Variants in RHEB observed in about 807,000 individuals in gnomAD.
RHEB encodes Ras homolog, mTORC1 binding, also known as GTP-binding protein Rheb.
RHEB carries 2 observed loss-of-function variants against 28.8 expected under a neutral mutation model. The observed-to-expected ratio is 0.07, with a 90% CI of 0.03 to 0.22. The LOEUF (loss-of-function observed/expected upper bound fraction) is 0.22. Ranked by LOEUF, RHEB falls within the 10% of genes least tolerant of loss-of-function variation. RHEB has a pLI of 1.00. For synonymous variants in RHEB, 69 were observed against 77.3 expected, an observed-to-expected ratio of 0.89 and a Z score of 0.56; for missense variants, 76 against 219.9, an observed-to-expected ratio of 0.35 and a Z score of 4.14.
intron 3 of RHEB, among the ~76,000 whole-genome samples, chr7:151,482,579 T>C (rs1008814825): frequency 3.9e-5 from 6 of 152,214 alleles, no homozygotes; most frequent in Admixed American, 2.6e-4. Context: ...TCAATTTACA[T>C]TCTCATCACC....
chr7:151,489,709 T>C (rs547950389), intron 2 of RHEB, among the ~76,000 whole-genome samples: 1 of 152,368 alleles, frequency 6.6e-6, no homozygotes, highest in South Asian at 2.1e-4. Flanking sequence ...CAAGCATGGC[T>C]GTGTATCAAT....
At position 151,468,904 on chromosome 7, in the gene RHEB, C is replaced by T. The variant is rs909744959; in HGVS notation, c.462+1667G>A. Among the ~76,000 whole-genome samples the T allele has an allele frequency of 1.2e-4, 18 of 152,202 alleles. No individual in the cohort carries two copies. The highest frequency in any genetic ancestry group is 9.2e-4 in the Admixed American group (14 of 15,282). On this transcript the variant is annotated intron_variant, in intron 7 of 7. Transcript: ENST00000262187. This position sits in a 1 kb window ranked among gnomAD's most constrained non-coding sequence, Gnocchi z 4.3. The stretch of plus-strand genomic sequence containing the variant: ...CAATTCAGTCCTAGTTCTTATACCA[C>T]GTAAGGTAGTGGGTGATCTTAGAAA...
At chr7:151,478,082 C>A (rs1382667275) in intron 3 of RHEB, among the ~76,000 whole-genome samples, 4 of 152,176 alleles carry the variant, frequency 2.6e-5, no homozygotes, top group African/African-American at 4.8e-5. Flanking sequence ...CGCAACAGCA[C>A]AGTAGTCTTT....
At chr7:151,507,648 C>T (rs1438957808) in intron 1 of RHEB, among the ~76,000 whole-genome samples, 1 of 151,688 alleles carries the variant, frequency 6.6e-6, no homozygotes, top group Non-Finnish European at 1.5e-5. Context: ...TTTCTCACAC[C>T]CCTTCCCCAA....
chr7:151,473,418 C>T (rs1802201314), intron 4 of RHEB, among the ~76,000 whole-genome samples: 1 of 152,236 alleles, frequency 6.6e-6, no homozygotes, highest in African/African-American at 2.4e-5. Flanking sequence ...GATACCCACA[C>T]TGTGGCTCTG....
At chr7:151,473,877 G>A (rs1373477458) in intron 4 of RHEB, among the ~76,000 whole-genome samples, 12 of 152,270 alleles carry the variant, frequency 7.9e-5, no homozygotes, top group East Asian at 3.9e-4. Context: ...TACTAAAAAC[G>A]GTGCTCCTTA....
At chr7:151,506,727 C>A (rs1802887435) in intron 1 of RHEB, among the ~76,000 whole-genome samples, 2 of 152,176 alleles carry the variant, frequency 1.3e-5, no homozygotes. Context: ...ACCCCTAAAG[C>A]AGAAAATTAC....
rs1487533621 is a variant in RHEB at position 151,516,834 on chromosome 7, T to C, written c.52+2626A>G. 3.9e-5 allele frequency among the ~76,000 whole-genome samples: 6 copies of C among 152,138 alleles called. No homozygotes were observed. In the East Asian group the frequency reaches 5.8e-4, roughly 15 times the overall value. ...TTTATGTGGCTCTACCCCCAGAATA[T>C]AGGACAAACAGCTCAGCATCACAAA... On this transcript the variant is annotated intron_variant, in intron 1 of 7. Coordinates refer to ENST00000262187, the MANE Select transcript of RHEB (RefSeq NM_005614.4).
At chr7:151,483,157 A>T (rs1802407042) in intron 3 of RHEB, among the ~76,000 whole-genome samples, 1 of 152,200 alleles carries the variant, frequency 6.6e-6, no homozygotes, top group South Asian at 2.1e-4. Context: ...TTTTCTTCCA[A>T]GCTTCCAAAA....
In RHEB at chr7:151,477,382, T is replaced by C; in HGVS notation, c.226A>G (p.Ile76Val). 1 of 1,587,504 alleles carries C rather than the reference T, an allele frequency of 6.3e-7. No individual in the cohort carries two copies. Among genetic ancestry groups the C allele is most frequent in the Non-Finnish European group, 8.6e-7 (1 of 1,160,654 alleles). Reference sequence around the variant, plus strand: ...ACAAGAATATAGCCATTAATATCTATGGAGTATGTCTGAGGAAAGATAGAA... The same window carrying C: ...ACAAGAATATAGCCATTAATATCTACGGAGTATGTCTGAGGAAAGATAGAA... ...EYSIFPQTYS[I>V]DINGYILVYS... The change falls in exon 4 of 8, where the codon ATA (isoleucine) becomes GTA (valine). Residue 76 changes from isoleucine to valine, a missense_variant. Ile to Val is a conservative substitution (Grantham distance 29, BLOSUM62 3). Coordinates refer to ENST00000262187, the MANE Select transcript of RHEB (RefSeq NM_005614.4).
chr7:151,518,609 G>A (rs1304831416), intron 1 of RHEB, among the ~76,000 whole-genome samples: 5 of 151,926 alleles, frequency 3.3e-5, no homozygotes, highest in Non-Finnish European at 5.9e-5. Context: ...GTAACACCCC[G>A]TCCGCCCCCC....
intron 1 of RHEB, chr7:151,502,897 A>G: frequency 1.2e-6 from 1 of 832,684 alleles, no homozygotes; most frequent in South Asian, 1.3e-5. Flanking sequence ...AGAGGTTACA[A>G]TCGAAAGTTT....
chr7:151,482,156 C>G (rs941155055), intron 3 of RHEB, among the ~76,000 whole-genome samples: 1 of 152,232 alleles, frequency 6.6e-6, no homozygotes, highest in Non-Finnish European at 1.5e-5. Context: ...AAAGAAAGAG[C>G]ACAGCCTCTT....
At chr7:151,507,571 G>A (rs191601303) in intron 1 of RHEB, among the ~76,000 whole-genome samples, 3 of 152,142 alleles carry the variant, frequency 2.0e-5, no homozygotes, top group East Asian at 1.9e-4. Context: ...TAGAGTTTAC[G>A]GAACATTCTC....
intron 1 of RHEB, among the ~76,000 whole-genome samples, chr7:151,504,684 A>G (rs1802835410): frequency 6.6e-6 from 1 of 152,198 alleles, no homozygotes; most frequent in African/African-American, 2.4e-5. Flanking sequence ...AAAAAGCTGC[A>G]TAATATATGG....
At chr7:151,508,365 ACAC>A (rs1207381177) in intron 1 of RHEB, among the ~76,000 whole-genome samples, 6 of 152,200 alleles carry the variant, frequency 3.9e-5, no homozygotes, top group African/African-American at 7.2e-5. Flanking sequence ...CTCATTATCA[ACAC>A]CAATTCACTC....
chr7:151,490,887 C>G (rs373860094), intron 2 of RHEB, 56 bp downstream of exon 2: 1 of 1,273,048 alleles, frequency 7.9e-7, no homozygotes, highest in South Asian at 1.2e-5. Flanking sequence ...TACACAATGG[C>G]TATTTTACAC....
chr7:151,513,539 G>A (rs1803026632), intron 1 of RHEB, among the ~76,000 whole-genome samples: 1 of 152,202 alleles, frequency 6.6e-6, no homozygotes, highest in African/African-American at 2.4e-5. Flanking sequence ...ACATGTGGAA[G>A]ATCTGCGTAA....
At chr7:151,506,196 T>A (rs1270982705) in intron 1 of RHEB, among the ~76,000 whole-genome samples, 1 of 151,936 alleles carries the variant, frequency 6.6e-6, no homozygotes, top group Non-Finnish European at 1.5e-5. Flanking sequence ...TACTTTTTTT[T>A]TTTTTTTTGA....
Sources: gnomAD v4.1 joint callset for allele counts (sites outside exome capture counted in the v4.1 genomes callset) on GRCh38, gnomAD v4.1.1 for gene constraint, Gnocchi (gnomAD v3.1) non-coding constraint, MANE v1.5 for transcripts, NCBI Gene and HGNC (gene_info 2026-07-23, HGNC 2026-07-21) for gene names.